The following CAMK2D variants were observed in gnomAD, a reference collection of about 807,000 sequenced individuals.
The protein encoded by CAMK2D is calcium/calmodulin-dependent protein kinase type II subunit delta.
Under a neutral mutation model 84.0 loss-of-function variants are expected in CAMK2D, and 37 were observed. The observed-to-expected ratio is 0.44, with a 90% CI of 0.34 to 0.58. The LOEUF (loss-of-function observed/expected upper bound fraction) is 0.58, where lower values mean the gene tolerates loss of function less well. Among genes scored for constraint, CAMK2D ranks in the 20% least tolerant of loss-of-function variants. CAMK2D has a pLI of 0.02. For synonymous variants in CAMK2D, 202 were observed against 212.5 expected, an observed-to-expected ratio of 0.95 and a Z score of 0.43; for missense variants, 448 against 652.5, an observed-to-expected ratio of 0.69 and a Z score of 3.41.
intron 2 of CAMK2D, among the ~76,000 whole-genome samples, chr4:113,709,754 T>C (rs72617773): frequency 0.14 from 12,859 of 91,568 alleles, 1,186 homozygotes; most frequent in East Asian, 0.3. Flanking sequence ...ACGATATATA[T>C]ATATATATAT....
At chr4:113,708,302 CT>C (rs1040475248) in intron 2 of CAMK2D, among the ~76,000 whole-genome samples, 2 of 152,194 alleles carry the variant, frequency 1.3e-5, no homozygotes, top group African/African-American at 4.8e-5. Context: ...CAGAAGGCTT[CT>C]AAGGTGTTTA....
In CAMK2D at chr4:113,566,337, GA is replaced by G. The variant is rs570564848; in HGVS notation, c.276-14242del. Among the ~76,000 whole-genome samples, 121 of 152,246 alleles carry G rather than the reference GA, an allele frequency of 7.9e-4. 1 individual carries two copies. Among genetic ancestry groups the G allele is most frequent in the Admixed American group, 7.2e-4 (11 of 15,298 alleles). On this transcript the variant is annotated intron_variant, in intron 4 of 20. Coordinates refer to ENST00000511664, the MANE Select transcript of CAMK2D (RefSeq NM_001321571.2). Reference sequence around the variant, plus strand: ...AAAGTCCAATTTACCTTTTGAAGATGAAACATAAGTTTTCTCCTCTACTGCT... The same window carrying G: ...AAAGTCCAATTTACCTTTTGAAGATGAACATAAGTTTTCTCCTCTACTGCT...
rs112963484 is a variant in CAMK2D at position 113,473,399 on chromosome 4, A to C, written c.1136-7795T>G. ...TTCTCTGTGACTTTATTTTTACTTC[A>C]CTAGACTGATGTAGCAGTTAATGTT... On this transcript the variant is annotated intron_variant, in intron 16 of 20. Coordinates refer to ENST00000511664, the MANE Select transcript of CAMK2D (RefSeq NM_001321571.2). 3.3e-3 allele frequency among the ~76,000 whole-genome samples: 496 copies of C among 152,264 alleles called. 3 individuals are homozygous for C. The highest frequency in any genetic ancestry group is 0.011 in the African/African-American group (472 of 41,552).
chr4:113,720,474 T>G (rs2099527270), intron 2 of CAMK2D, among the ~76,000 whole-genome samples: 1 of 151,900 alleles, frequency 6.6e-6, no homozygotes, highest in Non-Finnish European at 1.5e-5. Context: ...GTAAACATAC[T>G]GAGAATATTT....
At chr4:113,513,752 G>A (rs56725993) in intron 11 of CAMK2D, 78 bp downstream of exon 11, 1 of 689,930 alleles carries the variant, frequency 1.4e-6, no homozygotes, top group East Asian at 2.6e-5. Context: ...GCCTTTGCTA[G>A]AAGTTATTTT....
intron 4 of CAMK2D, among the ~76,000 whole-genome samples, chr4:113,567,939 T>G (rs1467479890): frequency 6.6e-6 from 1 of 152,194 alleles, no homozygotes. Flanking sequence ...CTAGACATCA[T>G]TTTACCAGGT....
chr4:113,561,375 T>TA (rs1234001882), intron 4 of CAMK2D, among the ~76,000 whole-genome samples: 1 of 152,032 alleles, frequency 6.6e-6, no homozygotes, highest in East Asian at 1.9e-4. Flanking sequence ...TCAAGAGGCT[T>TA]AGGGAGAAGG....
chr4:113,574,887 C>T (rs1030759775), intron 4 of CAMK2D, among the ~76,000 whole-genome samples: 13 of 152,190 alleles, frequency 8.5e-5, no homozygotes, highest in Non-Finnish European at 1.5e-5. Flanking sequence ...ACTGTCACTG[C>T]TGAATTTGAG....
At chr4:113,702,685 G>A (rs1294114501) in intron 2 of CAMK2D, among the ~76,000 whole-genome samples, 26 of 152,160 alleles carry the variant, frequency 1.7e-4, no homozygotes. Flanking sequence ...GAGGCAGGTG[G>A]ATTACTTGAG....
At chr4:113,609,283 A>G in intron 3 of CAMK2D, 77 bp from the exon 4 acceptor site, 2 of 779,972 alleles carry the variant, frequency 2.6e-6, no homozygotes, top group South Asian at 1.4e-5. Flanking sequence ...TCACATGGAC[A>G]TATGTCTCCT....
At chr4:113,641,875 G>A (rs2154294950) in intron 3 of CAMK2D, among the ~76,000 whole-genome samples, 1 of 152,094 alleles carries the variant, frequency 6.6e-6, no homozygotes, top group East Asian at 1.9e-4. Flanking sequence ...CAGGCATGGT[G>A]GCACATTCCT....
intron 2 of CAMK2D, among the ~76,000 whole-genome samples, chr4:113,755,846 C>A (rs1380466329): frequency 6.6e-6 from 1 of 151,934 alleles, no homozygotes; most frequent in East Asian, 1.9e-4. Flanking sequence ...TTCTAATTCT[C>A]ATGAAAATAT....
rs2098227089 is a variant in CAMK2D, at chr4:113,512,417, T to G, written c.946+911A>C. On this transcript the variant is annotated intron_variant, in intron 12 of 20. Transcript: ENST00000511664. ...TACCATGGAATCATTTTGAGGGACA[T>G]TTATTATGCTCTGATAGTACTGAGT... Among the ~76,000 whole-genome samples, 4 of 152,234 alleles carry G rather than the reference T, an allele frequency of 2.6e-5. No individual in the cohort carries two copies. The South Asian group carries it at 8.3e-4, about 31-fold the overall frequency.
At chr4:113,545,541 T>C (rs2098559594) in intron 6 of CAMK2D, among the ~76,000 whole-genome samples, 1 of 152,210 alleles carries the variant, frequency 6.6e-6, no homozygotes, top group Non-Finnish European at 1.5e-5. Flanking sequence ...ACAAGCAATA[T>C]ATTTATCAGA....
At chr4:113,573,128 C>A (rs2098762556) in intron 4 of CAMK2D, among the ~76,000 whole-genome samples, 1 of 152,152 alleles carries the variant, frequency 6.6e-6, no homozygotes, top group African/African-American at 2.4e-5. Context: ...ATAGCGTGTA[C>A]AACGAATCCC....
At position 113,756,781 on chromosome 4, in the gene CAMK2D, A is replaced by C. The variant is rs116481356; in HGVS notation, c.160+2539T>G. Among the ~76,000 whole-genome samples the C allele has an allele frequency of 9.1e-3, 1,390 of 152,158 alleles. 21 individuals carry two copies. Among genetic ancestry groups the C allele is most frequent in the African/African-American group, 0.031 (1,308 of 41,540 alleles). On this transcript the variant is annotated intron_variant, in intron 2 of 20. Coordinates refer to ENST00000511664, the MANE Select transcript of CAMK2D (RefSeq NM_001321571.2). ...CCCTTCTATGCTCTCAATTCTGTGG[A>C]ATGTTGTATCAAAAAATGAAAGCAT...
At position 113,451,254 on chromosome 4, in the gene CAMK2D, G is replaced by T. The variant is rs149307892; in HGVS notation, c.*3291C>A. 3.3e-5 allele frequency: 5 copies of T among 152,234 alleles called. No individual in the cohort carries two copies. Among genetic ancestry groups the T allele is most frequent in the African/African-American group, 1.2e-4 (5 of 41,524 alleles). The allele number at this position is 152,234 out of a possible 1,614,324, so 9.4% of individuals were successfully genotyped here. A position where few individuals can be genotyped will look rare whatever the true frequency, so the allele number is the denominator to read the frequency against. ...TTGGTGTCTCTCAGCCTTCTGCTGAGACATTTGAGTCCGAGTATATCCTCA... is the reference window on the plus strand; with the variant it reads ...TTGGTGTCTCTCAGCCTTCTGCTGATACATTTGAGTCCGAGTATATCCTCA... On this transcript the variant is annotated 3_prime_UTR_variant, in exon 21 of 21. Transcript: ENST00000511664.
intron 4 of CAMK2D, among the ~76,000 whole-genome samples, chr4:113,578,267 C>A (rs1022225693): frequency 8.5e-5 from 13 of 152,144 alleles, no homozygotes; most frequent in African/African-American, 3.1e-4. Flanking sequence ...TCCTGGGACT[C>A]TGTTTCTAAT....
At chr4:113,521,841 G>T (rs1423731501) in intron 8 of CAMK2D, among the ~76,000 whole-genome samples, 3 of 152,108 alleles carry the variant, frequency 2.0e-5, no homozygotes, top group African/African-American at 7.2e-5. Context: ...TAATATTGGA[G>T]TGGGAAATGA....
Sources: allele counts gnomAD v4.1 joint callset (sites outside exome capture counted in the v4.1 genomes callset), GRCh38; gene constraint gnomAD v4.1.1; transcripts MANE v1.5; gene names NCBI Gene and HGNC (gene_info 2026-07-23, HGNC 2026-07-21).